Variants in BCAS3 observed in about 807,000 individuals in gnomAD.
BCAS3 encodes the protein BCAS3 microtubule associated cell migration factor.
A neutral mutation model predicts 116.1 loss-of-function variants in BCAS3; 53 were observed. The ratio of observed to expected loss-of-function variants is 0.46; its 90% CI spans 0.37 to 0.57. The LOEUF is 0.57. BCAS3 is among the 20% of genes least tolerant of loss of function. BCAS3 has a pLI of 0.00. For synonymous variants in BCAS3, 391 were observed against 408.2 expected, an observed-to-expected ratio of 0.96 and a Z score of 0.51; for missense variants, 917 against 1,165.4, an observed-to-expected ratio of 0.79 and a Z score of 3.10.
In BCAS3 at chr17:61,261,973, G is replaced by A. The variant is rs947955075; in HGVS notation, c.2426-106354G>A. ...AGAGAGATGAGACAAGGATGTCCAC[G>A]AATACCGTTTCTATTCAGTGTTATA... On this transcript the variant is annotated intron_variant, in intron 22 of 23. Coordinates refer to ENST00000407086, the MANE Select transcript of BCAS3 (RefSeq NM_017679.5). The surrounding 1 kb of genome is among the most constrained non-coding windows in gnomAD (Gnocchi z 4.4). Among the ~76,000 whole-genome samples, 7 of 152,106 alleles carry A rather than the reference G, an allele frequency of 4.6e-5. No homozygotes were observed. Among genetic ancestry groups the A allele is most frequent in the African/African-American group, 1.7e-4 (7 of 41,428 alleles).
In BCAS3 at chr17:61,130,001, T is replaced by C. The variant is rs1418340004; in HGVS notation, c.2425+45437T>C. ...CCACCAATGATTCTTGTTTTGTAGC[T>C]TTTTGTTTATAAAGGCAATGTTGTA... On this transcript the variant is annotated intron_variant, in intron 22 of 23. Coordinates refer to ENST00000407086, the MANE Select transcript of BCAS3 (RefSeq NM_017679.5). This position sits in a 1 kb window ranked among gnomAD's most constrained non-coding sequence, Gnocchi z 5.0. 6.6e-6 allele frequency among the ~76,000 whole-genome samples: 1 copy of C among 152,246 alleles called. No individual in the cohort carries two copies. The highest frequency in any genetic ancestry group is 1.9e-4 in the East Asian group (1 of 5,204).
At chr17:61,283,569 TCAG>T (rs1369013010) in intron 22 of BCAS3, among the ~76,000 whole-genome samples, 1 of 151,770 alleles carries the variant, frequency 6.6e-6, no homozygotes, top group Non-Finnish European at 1.5e-5. Context: ...TTCTCCTGCC[TCAG>T]CCTCCCAAGT....
intron 4 of BCAS3, among the ~76,000 whole-genome samples, chr17:60,704,827 G>A (rs992255300): frequency 4.0e-5 from 5 of 124,102 alleles, no homozygotes; most frequent in Admixed American, 2.9e-4. Context: ...GACAGAGTGA[G>A]ACTCAGTCTC....
chr17:60,696,879 T>C (rs1489949776), intron 4 of BCAS3, among the ~76,000 whole-genome samples: 3 of 152,112 alleles, frequency 2.0e-5, no homozygotes, highest in African/African-American at 7.2e-5. Context: ...TATTTACCTT[T>C]TAGAGTGTAC....
Position 61,084,327 on chromosome 17 carries a change from C to T in BCAS3, c.2328-140C>T. The T allele has an allele frequency of 1.6e-6, 1 of 629,770 alleles. No homozygotes were observed. Among genetic ancestry groups the T allele is most frequent in the Non-Finnish European group, 2.7e-6 (1 of 368,916 alleles). The allele number at this position is 629,770 out of a possible 1,614,324, so 39.0% of individuals were successfully genotyped here. A position where few individuals can be genotyped will look rare whatever the true frequency, so the allele number is the denominator to read the frequency against. On this transcript the variant is annotated intron_variant, in intron 21 of 23. Transcript: ENST00000407086. The surrounding 1 kb of genome is among the most constrained non-coding windows in gnomAD (Gnocchi z 5.5). ...CTTGTGCAGCAATTAGGGACTGCAG[C>T]TCCCCTGTTTGTCTTGTTTTAGAAT...
chr17:61,294,999 T>C (rs1483727245), intron 22 of BCAS3, among the ~76,000 whole-genome samples: 6 of 152,344 alleles, frequency 3.9e-5, no homozygotes, highest in South Asian at 2.1e-4. Context: ...ATGACATCAC[T>C]ACTCAAGACT....
Position 61,392,272 on chromosome 17 carries a change from G to GC in BCAS3, c.*147_*148insC. On this transcript the variant is annotated 3_prime_UTR_variant, in exon 24 of 24. Transcript: ENST00000407086. The surrounding 1 kb of genome is among the most constrained non-coding windows in gnomAD (Gnocchi z 6.4). ...GTGACAGCAGCCGCCCATCCTACCTGGATGGAGAAGAGACCCTTCTCCAAG... is the reference window on the plus strand; with the variant it reads ...GTGACAGCAGCCGCCCATCCTACCTGCGATGGAGAAGAGACCCTTCTCCAAG... 2 of 965,456 alleles carry GC rather than the reference G, an allele frequency of 2.1e-6. No homozygotes were observed. Among genetic ancestry groups the GC allele is most frequent in the Non-Finnish European group, 3.0e-6 (2 of 665,566 alleles). 59.8% of individuals were successfully genotyped at this position (965,456 alleles called of 1,614,324 possible). A position where few individuals can be genotyped will look rare whatever the true frequency, so the allele number is the denominator to read the frequency against.
chr17:61,186,183 T>A lies in BCAS3; in HGVS notation c.2425+101619T>A, dbSNP rs1288060639. Among the ~76,000 whole-genome samples the A allele has an allele frequency of 6.6e-6, 1 of 152,186 alleles. No homozygotes were observed. The highest frequency in any genetic ancestry group is 1.5e-5 in the Non-Finnish European group (1 of 68,020). On this transcript the variant is annotated intron_variant, in intron 22 of 23. Transcript: ENST00000407086. This position sits in a 1 kb window ranked among gnomAD's most constrained non-coding sequence, Gnocchi z 4.9. The stretch of plus-strand genomic sequence containing the variant: ...TAGCTTATTTATATATTCATACACA[T>A]TCTATAAAATCATTTTTAACCCGTA...
intron 6 of BCAS3, among the ~76,000 whole-genome samples, chr17:60,760,062 T>A (rs2043368364): frequency 6.6e-6 from 1 of 152,256 alleles, no homozygotes; most frequent in Non-Finnish European, 1.5e-5. Context: ...ACTTTGAGCC[T>A]ATGTATGTCT....
chr17:60,746,494 A>G (rs1174103522), intron 5 of BCAS3, among the ~76,000 whole-genome samples: 2 of 152,174 alleles, frequency 1.3e-5, no homozygotes, highest in Non-Finnish European at 2.9e-5. Flanking sequence ...AATTAATAGA[A>G]TGAATGACTG....
intron 19 of BCAS3, chr17:61,070,422 TAGAAA>T (rs2071311148): frequency 5.7e-6 from 1 of 176,184 alleles, no homozygotes; most frequent in Non-Finnish European, 1.1e-5. Flanking sequence ...TTAAAAAAAA[TAGAAA>T]GGAAGCTTTT....
At position 61,381,046 on chromosome 17, in the gene BCAS3, T is replaced by C. The variant is rs1044837823; in HGVS notation, c.2594-10931T>C. 2.0e-5 allele frequency among the ~76,000 whole-genome samples: 3 copies of C among 152,236 alleles called. No homozygotes were observed. The highest frequency in any genetic ancestry group is 7.2e-5 in the African/African-American group (3 of 41,466). On this transcript the variant is annotated intron_variant, in intron 23 of 23. Transcript: ENST00000407086. This position sits in a 1 kb window ranked among gnomAD's most constrained non-coding sequence, Gnocchi z 6.0. ...CTCCTGGCCACTTGTTGTCTGCGCT[T>C]GTCTGTCCATTTATACAACCTAATG...
rs540371816 is a variant in BCAS3 at position 61,214,333 on chromosome 17, C to G, written c.2425+129769C>G. Among the ~76,000 whole-genome samples, 2 of 151,972 alleles carry G rather than the reference C, an allele frequency of 1.3e-5. No homozygotes were observed. Among genetic ancestry groups the G allele is most frequent in the South Asian group, 4.2e-4 (2 of 4,796 alleles). On this transcript the variant is annotated intron_variant, in intron 22 of 23. Transcript: ENST00000407086. This position sits in a 1 kb window ranked among gnomAD's most constrained non-coding sequence, Gnocchi z 4.4. The stretch of plus-strand genomic sequence containing the variant: ...GGTGAGCTGAGATCATGCCATTGCA[C>G]TCCAGCCTCGGCCACAGAGCAAGAC...
intron 14 of BCAS3, among the ~76,000 whole-genome samples, chr17:60,982,751 A>C (rs1207644166): frequency 6.6e-6 from 1 of 152,158 alleles, no homozygotes; most frequent in Admixed American, 6.5e-5. Context: ...TTTTGTCAAA[A>C]TTTGGTTTTT....
intron 13 of BCAS3, among the ~76,000 whole-genome samples, chr17:60,937,922 A>G (rs1345031558): frequency 2.0e-5 from 3 of 152,208 alleles, no homozygotes; most frequent in African/African-American, 7.2e-5. Flanking sequence ...GTAGATATGT[A>G]TAGATCTTGA....
intron 14 of BCAS3, among the ~76,000 whole-genome samples, chr17:60,982,066 A>G (rs1322975230): frequency 3.9e-5 from 6 of 152,350 alleles, no homozygotes; most frequent in Non-Finnish European, 8.8e-5. Context: ...ATGGATAGAT[A>G]TACTGTATAT....
In BCAS3 at chr17:61,339,854, G is replaced by A. The variant is rs2057012696; in HGVS notation, c.2426-28473G>A. Among the ~76,000 whole-genome samples, 1 of 152,004 alleles carries A rather than the reference G, an allele frequency of 6.6e-6. No homozygotes were observed. ...GGCCGGAAAGATGGGAGGAAAACCA[G>A]GTGAGTGTGCTGTCCCGAAAGCCAA... On this transcript the variant is annotated intron_variant, in intron 22 of 23. Transcript: ENST00000407086. This position sits in a 1 kb window ranked among gnomAD's most constrained non-coding sequence, Gnocchi z 4.4.
chr17:60,732,779 C>T (rs1285274265), intron 5 of BCAS3, among the ~76,000 whole-genome samples: 1 of 152,136 alleles, frequency 6.6e-6, no homozygotes, highest in Non-Finnish European at 1.5e-5. Context: ...GCGGAGGTTG[C>T]AGTGAGCCAA....
At chr17:60,778,794 G>A (rs1196981126) in intron 6 of BCAS3, among the ~76,000 whole-genome samples, 38 of 152,130 alleles carry the variant, frequency 2.5e-4, no homozygotes, top group Admixed American at 2.5e-3. Flanking sequence ...ATCAGCCCTA[G>A]TGTTTGACCC....
Sources: allele counts gnomAD v4.1 joint callset (sites outside exome capture counted in the v4.1 genomes callset), GRCh38; gene constraint gnomAD v4.1.1; non-coding constraint Gnocchi (gnomAD v3.1); transcripts MANE v1.5; gene names NCBI Gene and HGNC (gene_info 2026-07-23, HGNC 2026-07-21).